The following UNC5D variants were observed in gnomAD, a reference collection of about 807,000 sequenced individuals.
UNC5D encodes the protein unc-5 netrin receptor D.
A neutral mutation model predicts 105.4 loss-of-function variants in UNC5D; 39 were observed. The ratio of observed to expected loss-of-function variants is 0.37; its 90% CI spans 0.29 to 0.48. UNC5D has a LOEUF of 0.48. UNC5D is among the 20% of genes least tolerant of loss of function. The pLI, the probability that UNC5D is intolerant of heterozygous loss-of-function variation, is 0.98. For missense variants in UNC5D, 991 were observed against 1,202.4 expected (o/e 0.82, Z 2.60); for synonymous variants, 452 against 450.4 (o/e 1.00, Z -0.04).
At chr8:35,717,443 G>A (rs900672720) in intron 8 of UNC5D, among the ~76,000 whole-genome samples, 1 of 152,108 alleles carries the variant, frequency 6.6e-6, no homozygotes, top group Admixed American at 6.5e-5. Flanking sequence ...GACAATAAAT[G>A]ACTGGATATG....
chr8:35,748,760 C>T, intron 12 of UNC5D, 65 bp downstream of exon 12: 1 of 1,528,084 alleles, frequency 6.5e-7, no homozygotes, highest in Non-Finnish European at 8.8e-7. Flanking sequence ...ATATATTTAA[C>T]CTTAACATCT....
intron 1 of UNC5D, among the ~76,000 whole-genome samples, chr8:35,467,198 T>A (rs1185945141): frequency 6.6e-6 from 1 of 152,170 alleles, no homozygotes; most frequent in Non-Finnish European, 1.5e-5. Flanking sequence ...CCTTAAAACA[T>A]GCCCATAACT....
intron 2 of UNC5D, among the ~76,000 whole-genome samples, chr8:35,564,369 C>T (rs1053495387): frequency 6.6e-6 from 1 of 152,110 alleles, no homozygotes; most frequent in East Asian, 1.9e-4. Context: ...CCCTGTTCTG[C>T]AATATAGGAG....
At chr8:35,487,594 C>CACACACA (rs1554542234) in intron 1 of UNC5D, among the ~76,000 whole-genome samples, 2,986 of 146,812 alleles carry the variant, frequency 0.02, 69 homozygotes, top group African/African-American at 0.06. Context: ...CACACACACA[C>CACACACA]CCCACAGACT....
intron 7 of UNC5D, among the ~76,000 whole-genome samples, chr8:35,693,501 C>T (rs759804588): frequency 2.0e-5 from 3 of 152,038 alleles, no homozygotes; most frequent in Non-Finnish European, 4.4e-5. Context: ...AATCTGTGGC[C>T]TTTGTTACCA....
intron 4 of UNC5D, among the ~76,000 whole-genome samples, chr8:35,649,088 A>G (rs1027459430): frequency 2.0e-5 from 3 of 152,214 alleles, no homozygotes; most frequent in African/African-American, 7.2e-5. Flanking sequence ...AAAAGAAAAA[A>G]TTAAAAGATT....
chr8:35,407,119 G>A (rs1804856284), intron 1 of UNC5D, among the ~76,000 whole-genome samples: 1 of 151,986 alleles, frequency 6.6e-6, no homozygotes, highest in Non-Finnish European at 1.5e-5. Flanking sequence ...TTACCATTGT[G>A]TTATGGCTGC....
intron 4 of UNC5D, among the ~76,000 whole-genome samples, chr8:35,659,614 G>A (rs150241352): frequency 9.4e-4 from 143 of 152,262 alleles, no homozygotes; most frequent in African/African-American, 3.1e-3. Context: ...ATACGTATGT[G>A]CGCATGCACA....
intron 1 of UNC5D, among the ~76,000 whole-genome samples, chr8:35,324,080 ATT>A (rs1809957732): frequency 6.6e-6 from 1 of 151,940 alleles, no homozygotes; most frequent in Non-Finnish European, 1.5e-5. Context: ...AAAGTTAAAA[ATT>A]AGCCAGGCGT....
intron 14 of UNC5D, among the ~76,000 whole-genome samples, chr8:35,766,357 GTA>G (rs1032488077): frequency 6.6e-6 from 1 of 151,966 alleles, no homozygotes; most frequent in African/African-American, 2.4e-5. Flanking sequence ...CTGGCTGTGT[GTA>G]TATGTGTGTG....
Position 35,595,250 on chromosome 8 carries a change from TG to T in UNC5D, c.467-303del, listed in dbSNP as rs1180737197. Among the ~76,000 whole-genome samples the T allele has an allele frequency of 3.3e-5, 5 of 152,206 alleles. No homozygotes were observed. In the South Asian group the frequency reaches 6.2e-4, roughly 19 times the overall value. On this transcript the variant is annotated intron_variant, in intron 3 of 16. Coordinates refer to ENST00000404895, the MANE Select transcript of UNC5D (RefSeq NM_080872.4). Reference sequence around the variant, plus strand: ...GTTTCATCAGATGCTCAGCAGATAATGCTGGCAAAGACTCATGAAACAATGG... The same window carrying T: ...GTTTCATCAGATGCTCAGCAGATAATCTGGCAAAGACTCATGAAACAATGG...
intron 1 of UNC5D, among the ~76,000 whole-genome samples, chr8:35,353,346 T>C (rs548040763): frequency 6.6e-6 from 1 of 152,160 alleles, no homozygotes; most frequent in East Asian, 1.9e-4. Flanking sequence ...AAGAAAACAC[T>C]CTGAAATGCC....
chr8:35,314,346 A>G (rs2128880483), intron 1 of UNC5D, among the ~76,000 whole-genome samples: 1 of 152,280 alleles, frequency 6.6e-6, no homozygotes, highest in South Asian at 2.1e-4. Context: ...TGTATTCTCA[A>G]GTATAGGGGG....
chr8:35,351,979 A>C (rs550143304), intron 1 of UNC5D, among the ~76,000 whole-genome samples: 2 of 152,126 alleles, frequency 1.3e-5, no homozygotes, highest in African/African-American at 4.8e-5. Flanking sequence ...AAATCTCTTG[A>C]AAGTGATTCA....
At chr8:35,476,652 C>A (rs1810119833) in intron 1 of UNC5D, among the ~76,000 whole-genome samples, 1 of 152,076 alleles carries the variant, frequency 6.6e-6, no homozygotes, top group Admixed American at 6.6e-5. Context: ...AAGTTTTCCT[C>A]CTTTATCTCG....
chr8:35,626,626 A>T (rs1563606223), intron 4 of UNC5D, among the ~76,000 whole-genome samples: 1 of 152,238 alleles, frequency 6.6e-6, no homozygotes, highest in Non-Finnish European at 1.5e-5. Context: ...AAGCAGAGCT[A>T]GCAAGGTACA....
At chr8:35,598,116 C>T (rs983105828) in intron 4 of UNC5D, among the ~76,000 whole-genome samples, 1 of 152,136 alleles carries the variant, frequency 6.6e-6, no homozygotes, top group Non-Finnish European at 1.5e-5. Flanking sequence ...ATATCACTTG[C>T]TCAGTAAGGC....
chr8:35,699,725 G>C (rs889192256), intron 7 of UNC5D, among the ~76,000 whole-genome samples: 1 of 152,096 alleles, frequency 6.6e-6, no homozygotes, highest in Non-Finnish European at 1.5e-5. Context: ...TGGGAAGCTG[G>C]GGGGAGTAGG....
chr8:35,401,846 G>T (rs753183236), intron 1 of UNC5D, among the ~76,000 whole-genome samples: 8 of 152,178 alleles, frequency 5.3e-5, no homozygotes, highest in Non-Finnish European at 8.8e-5. Context: ...GCCTTCAAAA[G>T]AAACTGGCAA....
Sources: gnomAD v4.1 joint callset for allele counts (sites outside exome capture counted in the v4.1 genomes callset) on GRCh38, gnomAD v4.1.1 for gene constraint, MANE v1.5 for transcripts, NCBI Gene and HGNC (gene_info 2026-07-23, HGNC 2026-07-21) for gene names.